Variants in SLC25A42 observed in about 807,000 individuals in gnomAD.
SLC25A42 encodes mitochondrial coenzyme A transporter SLC25A42.
A neutral mutation model predicts 34.7 loss-of-function variants in SLC25A42; 19 were observed. That is an observed-to-expected ratio of 0.55 (90% CI 0.38 to 0.80). SLC25A42 has a LOEUF of 0.80. SLC25A42 is among the 30% of genes least tolerant of loss of function. The probability of loss-of-function intolerance (pLI) is 0.00; values close to 1 mark genes in which losing one functional copy is unlikely to be tolerated. For synonymous variants in SLC25A42, 205 were observed against 191.2 expected (o/e 1.07, Z -0.59); for missense variants, 364 against 441.3 (o/e 0.82, Z 1.57).
chr19:19,066,654 T>G (rs540136849), intron 1 of SLC25A42, among the ~76,000 whole-genome samples: 1 of 152,098 alleles, frequency 6.6e-6, no homozygotes, highest in East Asian at 1.9e-4. Context: ...GGTTTCACTG[T>G]GTTAGCCAGG....
chr19:19,081,148 A>C lies in SLC25A42; in HGVS notation c.-34-14943A>C, dbSNP rs2059679641. 1.3e-5 allele frequency among the ~76,000 whole-genome samples: 2 copies of C among 152,016 alleles called. No individual in the cohort carries two copies. The highest frequency in any genetic ancestry group is 1.3e-4 in the Admixed American group (2 of 15,234). On this transcript the variant is annotated intron_variant, in intron 1 of 7. Transcript: ENST00000318596. The surrounding 1 kb of genome is among the most constrained non-coding windows in gnomAD (Gnocchi z 4.5). ...AAAAGAAGAAAGAAAGAATAAAGAAAAGAAAGGAGGGAGGAAGGGAGGGAA... is the reference window on the plus strand; with the variant it reads ...AAAAGAAGAAAGAAAGAATAAAGAACAGAAAGGAGGGAGGAAGGGAGGGAA...
intron 1 of SLC25A42, among the ~76,000 whole-genome samples, chr19:19,083,217 T>G (rs2145906249): frequency 6.6e-6 from 1 of 152,278 alleles, no homozygotes; most frequent in Non-Finnish European, 1.5e-5. Flanking sequence ...GTGCTGAGAT[T>G]ACAAGGCGTG....
chr19:19,099,900 G>A (rs938983118), intron 2 of SLC25A42, among the ~76,000 whole-genome samples: 2 of 151,680 alleles, frequency 1.3e-5, no homozygotes, highest in African/African-American at 4.8e-5. Context: ...GCTAATTTTC[G>A]TATTTTTAGT....
At position 19,087,799 on chromosome 19, in the gene SLC25A42, C is replaced by T. The variant is rs1023904024; in HGVS notation, c.-34-8292C>T. 3.7e-4 allele frequency among the ~76,000 whole-genome samples: 57 copies of T among 152,258 alleles called. 1 individual carries two copies. The highest frequency in any genetic ancestry group is 1.3e-3 in the African/African-American group (55 of 41,550). On this transcript the variant is annotated intron_variant, in intron 1 of 7. Coordinates refer to ENST00000318596, the MANE Select transcript of SLC25A42 (RefSeq NM_178526.5). ...ATTCAGAGTTTGCAAGGGAGTCAGC[C>T]GAAGCTCCAGGGCAGGCAGGGGAGA...
chr19:19,097,020 C>T (rs549539377), intron 2 of SLC25A42, among the ~76,000 whole-genome samples: 137 of 152,324 alleles, frequency 9.0e-4, no homozygotes, highest in Middle Eastern at 3.4e-3. Flanking sequence ...AAGTTCACCT[C>T]TTAAGTCCAC....
chr19:19,101,558 G>A (rs1170640178), intron 2 of SLC25A42, among the ~76,000 whole-genome samples: 1 of 152,194 alleles, frequency 6.6e-6, no homozygotes, highest in Non-Finnish European at 1.5e-5. Context: ...CTCCAAAGTG[G>A]ATGGTACCTG....
In SLC25A42 at chr19:19,077,966, G is replaced by A. The variant is rs137861005; in HGVS notation, c.-35+13851G>A. The stretch of plus-strand genomic sequence containing the variant: ...ACTGGTGTGTCTGTGAGATCCATCC[G>A]TGTTGTTGTCGCGTGTAGCAGCAGT... On this transcript the variant is annotated intron_variant, in intron 1 of 7. Coordinates refer to ENST00000318596, the MANE Select transcript of SLC25A42 (RefSeq NM_178526.5). Among the ~76,000 whole-genome samples the A allele has an allele frequency of 1.4e-4, 22 of 152,318 alleles. 1 individual carries two copies. The East Asian group carries it at 2.3e-3, about 16-fold the overall frequency.
chr19:19,088,317 T>C (rs1368729528), intron 1 of SLC25A42, among the ~76,000 whole-genome samples: 1 of 151,662 alleles, frequency 6.6e-6, no homozygotes, highest in African/African-American at 2.4e-5. Context: ...ACCATTCTCC[T>C]GCCTCAGCCT....
chr19:19,065,544 C>T (rs2059597255), intron 1 of SLC25A42, among the ~76,000 whole-genome samples: 1 of 152,126 alleles, frequency 6.6e-6, no homozygotes, highest in African/African-American at 2.4e-5. Context: ...TCCTGTAAGG[C>T]TCCTGGAGCG....
intron 5 of SLC25A42, 175 bp from the exon 6 acceptor site, chr19:19,106,094 G>A: frequency 1.7e-6 from 1 of 600,008 alleles, no homozygotes; most frequent in South Asian, 2.1e-5. Flanking sequence ...CTCAAAATGA[G>A]GCCCACTCCA....
rs1336138941 is a variant in SLC25A42, at chr19:19,109,924, G to T, written c.650-645G>T. 6.6e-6 allele frequency among the ~76,000 whole-genome samples: 1 copy of T among 152,206 alleles called. No individual in the cohort carries two copies. Among genetic ancestry groups the T allele is most frequent in the South Asian group, 2.1e-4 (1 of 4,824 alleles). ...CTCGCAGGGGCTCCCCAGGGAGGGC[G>T]CAGGTCGGGGACCAGGCACGGGAGC... On this transcript the variant is annotated intron_variant, in intron 7 of 7. Transcript: ENST00000318596. The surrounding 1 kb of genome is among the most constrained non-coding windows in gnomAD (Gnocchi z 4.1).
chr19:19,109,060 T>A lies in SLC25A42; in HGVS notation c.649+1015T>A, dbSNP rs1366783402. Among the ~76,000 whole-genome samples the A allele has an allele frequency of 6.6e-6, 1 of 152,228 alleles. No individual in the cohort carries two copies. The highest frequency in any genetic ancestry group is 1.5e-5 in the Non-Finnish European group (1 of 68,042). On this transcript the variant is annotated intron_variant, in intron 7 of 7. Transcript: ENST00000318596. The surrounding 1 kb of genome is among the most constrained non-coding windows in gnomAD (Gnocchi z 4.1). Reference sequence around the variant, plus strand: ...GCTTTGAAAATACTTCTGTATGTATTTATCTGTGGCATGAACAAAACCATG... The same window carrying A: ...GCTTTGAAAATACTTCTGTATGTATATATCTGTGGCATGAACAAAACCATG...
intron 1 of SLC25A42, among the ~76,000 whole-genome samples, chr19:19,080,425 A>T (rs901172888): frequency 1.3e-5 from 2 of 152,116 alleles, no homozygotes; most frequent in South Asian, 2.1e-4. Context: ...TCTCACCCAG[A>T]AGTACAGCGT....
intron 5 of SLC25A42, 112 bp downstream of exon 5, chr19:19,105,839 T>C: frequency 1.0e-6 from 1 of 956,218 alleles, no homozygotes. Context: ...AGCCCTGCCT[T>C]CCCTCTTCCC....
chr19:19,110,615 C>T lies in SLC25A42; in HGVS notation c.696C>T (p.Phe232=). ...RQPYPFERMI[F]GACAGLIGQS... is the part of the protein sequence containing the mutation. Reference sequence around the variant, plus strand: ...CCTACCCCTTCGAGCGCATGATCTTCGGCGCCTGCGCTGGCCTCATCGGGC... The same window carrying T: ...CCTACCCCTTCGAGCGCATGATCTTTGGCGCCTGCGCTGGCCTCATCGGGC... Residue 232 remains phenylalanine, a synonymous_variant, in exon 8 of 8, where the codon TTC becomes TTT. Coordinates refer to ENST00000318596, the MANE Select transcript of SLC25A42 (RefSeq NM_178526.5). 2 of 1,504,376 alleles carry T rather than the reference C, an allele frequency of 1.3e-6. No individual in the cohort carries two copies. The highest frequency in any genetic ancestry group is 1.8e-6 in the Non-Finnish European group (2 of 1,130,134). 93.2% of individuals were successfully genotyped at this position (1,504,376 alleles called of 1,614,324 possible). A position where few individuals can be genotyped will look rare whatever the true frequency, so the allele number is the denominator to read the frequency against.
At position 19,096,085 on chromosome 19, in the gene SLC25A42, C is replaced by A. The variant is rs542203982; in HGVS notation, c.-34-6C>A. 17 of 1,579,874 alleles carry A rather than the reference C, an allele frequency of 1.1e-5. No homozygotes were observed. Among genetic ancestry groups the A allele is most frequent in the Non-Finnish European group, 1.2e-5 (14 of 1,149,838 alleles). On this transcript the variant is annotated splice_region_variant and splice_polypyrimidine_tract_variant and intron_variant, in intron 1 of 7. Coordinates refer to ENST00000318596, the MANE Select transcript of SLC25A42 (RefSeq NM_178526.5). ...CGTATCTTACCACCTCCCCTTACCC[C>A]CCCAGGACCGAGTCTCCTGCCATTC...
At chr19:19,065,649 A>G (rs1285964498) in intron 1 of SLC25A42, among the ~76,000 whole-genome samples, 1 of 152,126 alleles carries the variant, frequency 6.6e-6, no homozygotes, top group Non-Finnish European at 1.5e-5. Flanking sequence ...AACTGAAGCC[A>G]TTTGGGTTTT....
chr19:19,112,512 C>T lies in SLC25A42; in HGVS notation c.*1636C>T, dbSNP rs145157223. The T allele has an allele frequency of 6.6e-6, 1 of 152,562 alleles. No homozygotes were observed. Among genetic ancestry groups the T allele is most frequent in the East Asian group, 1.9e-4 (1 of 5,188 alleles). The allele number at this position is 152,562 out of a possible 1,614,324, so 9.5% of individuals were successfully genotyped here. On this transcript the variant is annotated 3_prime_UTR_variant, in exon 8 of 8. Coordinates refer to ENST00000318596, the MANE Select transcript of SLC25A42 (RefSeq NM_178526.5). This position sits in a 1 kb window ranked among gnomAD's most constrained non-coding sequence, Gnocchi z 4.3. ...GAGATGGGAGGGCACCCAACTCCCA[C>T]AAGCATGCAACAGCAGTAGGAATTG... is the stretch of plus-strand genomic sequence containing the variant.
intron 1 of SLC25A42, among the ~76,000 whole-genome samples, chr19:19,077,288 A>G (rs2059660080): frequency 6.6e-6 from 1 of 152,186 alleles, no homozygotes; most frequent in African/African-American, 2.4e-5. Flanking sequence ...CTGTTGTGCA[A>G]CCATCACCAC....
Sources: allele counts gnomAD v4.1 joint callset (sites outside exome capture counted in the v4.1 genomes callset), GRCh38; gene constraint gnomAD v4.1.1; non-coding constraint Gnocchi (gnomAD v3.1); transcripts MANE v1.5; gene names NCBI Gene and HGNC (gene_info 2026-07-23, HGNC 2026-07-21).